KLHL4: variants seen among roughly 807,000 people sequenced by gnomAD.
The protein encoded by KLHL4 is kelch-like protein 4.
Under a neutral mutation model 45.8 loss-of-function variants are expected in KLHL4, and 17 were observed. The observed-to-expected ratio is 0.37, with a 90% CI of 0.25 to 0.56. The LOEUF (loss-of-function observed/expected upper bound fraction) is 0.56. KLHL4 is among the 20% of genes least tolerant of loss of function. KLHL4 has a pLI of 0.79. For synonymous variants in KLHL4, 224 were observed against 189.9 expected (o/e 1.18, Z -1.47); for missense variants, 544 against 544.9 (o/e 1.00, Z 0.02).
chrX:87,627,869 T>A (rs758654747), intron 6 of KLHL4, among the ~76,000 whole-genome samples: 10 of 111,607 alleles, frequency 9.0e-5, no homozygotes, highest in Admixed American at 4.8e-4. Flanking sequence ...TTTTGGCATT[T>A]TTTTCGGGCT....
intron 1 of KLHL4, among the ~76,000 whole-genome samples, chrX:87,526,301 T>A (rs1931108789): frequency 1.8e-5 from 2 of 112,278 alleles, no homozygotes; most frequent in African/African-American, 6.5e-5. Flanking sequence ...CTATTAATGT[T>A]TCCTCCATTC....
At chrX:87,665,889 C>CT (rs1287935762) in intron 10 of KLHL4, among the ~76,000 whole-genome samples, 1 of 111,352 alleles carries the variant, frequency 9.0e-6, no homozygotes, top group African/African-American at 3.3e-5. Flanking sequence ...CCCTCAAATG[C>CT]TACAATGTAG....
intron 6 of KLHL4, 143 bp downstream of exon 6, chrX:87,625,939 A>T: frequency 2.2e-6 from 1 of 451,797 alleles, no homozygotes; most frequent in Non-Finnish European, 3.6e-6. Flanking sequence ...GATTTTTGTG[A>T]CCTCATTTTT....
intron 9 of KLHL4, among the ~76,000 whole-genome samples, chrX:87,654,941 C>T (rs1403584182): frequency 1.8e-5 from 2 of 111,430 alleles, no homozygotes; most frequent in East Asian, 2.8e-4. Context: ...ATTTATATGT[C>T]GTTTTTAAAA....
intron 9 of KLHL4, among the ~76,000 whole-genome samples, chrX:87,640,159 G>A (rs1421789754): frequency 1.8e-5 from 2 of 110,558 alleles, no homozygotes; most frequent in Non-Finnish European, 3.8e-5. Flanking sequence ...TAGAAACTCT[G>A]AACAGACCAA....
chrX:87,550,573 A>G (rs1365390034), intron 1 of KLHL4, among the ~76,000 whole-genome samples: 2 of 111,404 alleles, frequency 1.8e-5, no homozygotes, highest in Non-Finnish European at 3.8e-5. Context: ...CTACAGACCA[A>G]TATCCCTCAT....
chrX:87,652,045 G>A (rs532617456), intron 9 of KLHL4, among the ~76,000 whole-genome samples: 1 of 112,619 alleles, frequency 8.9e-6, no homozygotes, highest in African/African-American at 3.2e-5. Context: ...ATGTGCACTT[G>A]CAGGCTCAAC....
Position 87,646,258 on chromosome X carries a change from A to G in KLHL4, c.1925+10483A>G, listed in dbSNP as rs1247919434. Among the ~76,000 whole-genome samples the G allele has an allele frequency of 4.5e-5, 5 of 111,591 alleles. No individual in the cohort carries two copies. The East Asian group carries it at 1.1e-3, about 25-fold the overall frequency. On this transcript the variant is annotated intron_variant, in intron 9 of 10. Transcript: ENST00000373119. ...AAGAAAACATAGATGACACAAACAA[A>G]TGGAACTACATCCCATGCTCATGAT...
In KLHL4 at chrX:87,664,877, G is replaced by C. The variant is rs770323123; in HGVS notation, c.2039G>C (p.Gly680Ala). 8.3e-7 allele frequency: 1 copy of C among 1,199,618 alleles called. No individual in the cohort carries two copies. Among genetic ancestry groups the C allele is most frequent in the Non-Finnish European group, 1.1e-6 (1 of 885,191 alleles). ...DKLYVVGGYDGHTYLNTVESY... is the reference protein window; with the variant it reads ...DKLYVVGGYDAHTYLNTVESY... ...CTCTACGTGGTTGGAGGATATGACG[G>C]ACATACTTATTTGAACACAGTTGAG... is the stretch of plus-strand genomic sequence containing the variant. The change falls in exon 10 of 11, where the codon GGA (glycine) becomes GCA (alanine). Residue 680 changes from glycine to alanine, a missense_variant. By Grantham distance (60) the Gly-to-Ala change is moderately conservative (BLOSUM62 0). Transcript: ENST00000373119.
chrX:87,563,231 AT>A (rs1473858508), intron 1 of KLHL4, among the ~76,000 whole-genome samples: 2 of 110,569 alleles, frequency 1.8e-5, no homozygotes, highest in East Asian at 5.8e-4. Context: ...ATTGAAAAAC[AT>A]TTAAAAGAAG....
intron 1 of KLHL4, among the ~76,000 whole-genome samples, chrX:87,526,429 G>A (rs746206210): frequency 8.9e-6 from 1 of 112,068 alleles, no homozygotes; most frequent in Non-Finnish European, 1.9e-5. Context: ...TAGTTGGAGA[G>A]ATAAAGTGTA....
intron 1 of KLHL4, among the ~76,000 whole-genome samples, chrX:87,553,091 T>C (rs1230636526): frequency 9.0e-6 from 1 of 110,694 alleles, no homozygotes; most frequent in Non-Finnish European, 1.9e-5. Context: ...ACCTACTGTG[T>C]ATCCACAATA....
At chrX:87,537,532 A>G (rs1467367459) in intron 1 of KLHL4, among the ~76,000 whole-genome samples, 3 of 110,966 alleles carry the variant, frequency 2.7e-5, no homozygotes, top group African/African-American at 9.8e-5. Context: ...ATAGATGTAG[A>G]TACACACACA....
intron 1 of KLHL4, among the ~76,000 whole-genome samples, chrX:87,579,032 G>T (rs1180962220): frequency 9.0e-6 from 1 of 111,215 alleles, no homozygotes; most frequent in Non-Finnish European, 1.9e-5. Context: ...AGTTTAGTAG[G>T]GGCAGCTAAG....
intron 1 of KLHL4, among the ~76,000 whole-genome samples, chrX:87,541,609 C>T (rs1179516133): frequency 9.1e-6 from 1 of 110,403 alleles, no homozygotes; most frequent in Admixed American, 9.7e-5. Flanking sequence ...TTGTAAGTTT[C>T]CTGAGGCCTT....
chrX:87,564,334 T>G (rs755671154), intron 1 of KLHL4, among the ~76,000 whole-genome samples: 13 of 97,331 alleles, frequency 1.3e-4, no homozygotes, highest in Non-Finnish European at 2.2e-4. Flanking sequence ...ATTTTTTAGT[T>G]TCTTTACTTT....
rs878962293 is a variant in KLHL4 at position 87,668,572 on chromosome X, T to C, written c.*2038T>C. On this transcript the variant is annotated 3_prime_UTR_variant, in exon 11 of 11. Transcript: ENST00000373119. ...TCATGTTGAAACTTAACTCCTAATG[T>C]AGCAGTACTGAGAGGCAGGGCCCTT... 4.0e-5 allele frequency: 22 copies of C among 553,665 alleles called. No individual in the cohort carries two copies. The South Asian group carries it at 2.0e-3, about 51-fold the overall frequency. The allele number at this position is 553,665 out of a possible 1,213,427, so 45.6% of individuals were successfully genotyped here.
At chrX:87,522,718 A>G (rs1461265018) in intron 1 of KLHL4, among the ~76,000 whole-genome samples, 3 of 112,361 alleles carry the variant, frequency 2.7e-5, no homozygotes, top group Non-Finnish European at 5.6e-5. Context: ...ACAAAATTAC[A>G]TAAGTTATTC....
intron 1 of KLHL4, among the ~76,000 whole-genome samples, chrX:87,565,199 C>T (rs1259518040): frequency 7.3e-5 from 8 of 109,075 alleles, no homozygotes; most frequent in Non-Finnish European, 9.5e-5. Flanking sequence ...TAAACACCTA[C>T]GTGAAAAAGA....
Sources: allele counts gnomAD v4.1 joint callset (sites outside exome capture counted in the v4.1 genomes callset), GRCh38; gene constraint gnomAD v4.1.1; transcripts MANE v1.5; gene names NCBI Gene and HGNC (gene_info 2026-07-23, HGNC 2026-07-21).